The following UCK2 variants were observed in gnomAD, a reference collection of about 807,000 sequenced individuals.
UCK2 encodes uridine-cytidine kinase 2, also known as cytidine monophosphokinase 2.
A neutral mutation model predicts 30.8 loss-of-function variants in UCK2; 6 were observed. That is an observed-to-expected ratio of 0.19 (90% CI 0.11 to 0.38). UCK2 has a LOEUF of 0.38. Among genes scored for constraint, UCK2 ranks in the 10% least tolerant of loss-of-function variants. UCK2 has a pLI of 1.00. For synonymous variants in UCK2, 125 were observed against 133.6 expected (o/e 0.94, Z 0.45); for missense variants, 210 against 339.8 (o/e 0.62, Z 3.00).
intron 2 of UCK2, 71 bp from the exon 3 acceptor site, chr1:165,891,155 T>C: frequency 1.5e-6 from 2 of 1,319,604 alleles, no homozygotes. Context: ...TTTATGAGGA[T>C]GCCTTGTGTA....
At chr1:165,906,075 C>T in intron 6 of UCK2, 106 bp downstream of exon 6, 2 of 1,074,374 alleles carry the variant, frequency 1.9e-6, no homozygotes, top group Non-Finnish European at 2.8e-6. Flanking sequence ...ACATGGCTGC[C>T]CTGCTTGTCT....
chr1:165,902,657 A>G (rs1209475912), intron 4 of UCK2: 2 of 126,312 alleles, frequency 1.6e-5, no homozygotes, highest in East Asian at 2.6e-4. Flanking sequence ...GAAATGGTTA[A>G]CCATGGCTGG....
intron 1 of UCK2, among the ~76,000 whole-genome samples, chr1:165,840,947 C>T (rs929473477): frequency 6.6e-6 from 1 of 152,076 alleles, no homozygotes; most frequent in Non-Finnish European, 1.5e-5. Flanking sequence ...ATAGATTATT[C>T]CCAGCACCAC....
chr1:165,895,457 A>G (rs1380781339), intron 3 of UCK2: 2 of 984,306 alleles, frequency 2.0e-6, no homozygotes, highest in African/African-American at 3.5e-5. Context: ...GTTTACAATT[A>G]GTGCCTGCCC....
chr1:165,886,681 C>G (rs1655622956), intron 1 of UCK2, among the ~76,000 whole-genome samples: 1 of 152,134 alleles, frequency 6.6e-6, no homozygotes. Flanking sequence ...AAGGAGAACA[C>G]AGAGATGATA....
chr1:165,855,519 T>C (rs1654723177), intron 1 of UCK2, among the ~76,000 whole-genome samples: 6 of 151,382 alleles, frequency 4.0e-5, no homozygotes, highest in Admixed American at 3.9e-4. Flanking sequence ...TCTTTTTTTT[T>C]TTTTTTTTTC....
intron 1 of UCK2, among the ~76,000 whole-genome samples, chr1:165,844,274 G>A (rs1305804168): frequency 2.0e-5 from 3 of 152,212 alleles, no homozygotes; most frequent in Admixed American, 6.5e-5. Context: ...CCTCCTCGTA[G>A]TTGACATTCA....
chr1:165,860,311 TC>T (rs1246275203), intron 1 of UCK2, among the ~76,000 whole-genome samples: 1 of 152,230 alleles, frequency 6.6e-6, no homozygotes, highest in African/African-American at 2.4e-5. Flanking sequence ...GCTGCCCTCT[TC>T]CTGTTGAAGC....
intron 3 of UCK2, chr1:165,895,816 G>A (rs1655883170): frequency 4.1e-6 from 1 of 242,760 alleles, no homozygotes; most frequent in South Asian, 1.3e-4. Flanking sequence ...ATAAATGCCA[G>A]GCCATGAGAG....
intron 5 of UCK2, among the ~76,000 whole-genome samples, chr1:165,905,010 A>G (rs1647603241): frequency 6.6e-6 from 1 of 152,262 alleles, no homozygotes; most frequent in African/African-American, 2.4e-5. Flanking sequence ...ACCCTGTGCT[A>G]GGAGTGAACA....
chr1:165,876,556 G>A (rs938335131), intron 1 of UCK2, among the ~76,000 whole-genome samples: 3 of 152,272 alleles, frequency 2.0e-5, no homozygotes, highest in Admixed American at 1.3e-4. Context: ...AACAATGTAT[G>A]TACAGGAGTG....
chr1:165,847,470 C>G (rs1171239279), intron 1 of UCK2, among the ~76,000 whole-genome samples: 4 of 152,138 alleles, frequency 2.6e-5, no homozygotes, highest in Non-Finnish European at 4.4e-5. Flanking sequence ...AAGAAACAAC[C>G]ACTTTTAAAT....
At chr1:165,867,857 T>C (rs1386421691) in intron 1 of UCK2, among the ~76,000 whole-genome samples, 1 of 152,228 alleles carries the variant, frequency 6.6e-6, no homozygotes, top group Non-Finnish European at 1.5e-5. Flanking sequence ...GAATCACAAA[T>C]GTTGTTAATG....
chr1:165,828,688 G>T (rs1471554534), intron 1 of UCK2, among the ~76,000 whole-genome samples: 4 of 152,174 alleles, frequency 2.6e-5, no homozygotes, highest in Non-Finnish European at 1.5e-5. Context: ...TCATCGTATG[G>T]GTGTCTGACC....
In UCK2 at chr1:165,891,293, C is replaced by T. The variant is rs538874834; in HGVS notation, c.327C>T (p.Ile109=). Residue 109 remains isoleucine, a synonymous_variant, in exon 3 of 7, where the codon ATC becomes ATT. Coordinates refer to ENST00000367879, the MANE Select transcript of UCK2 (RefSeq NM_012474.5). ...KEITEGKTVQ[I]PVYDFVSHSR... ...TCACTGAAGGGAAAACAGTCCAGATCCCCGTGTATGACTTTGTCTCCCATT... is the reference window on the plus strand; with the variant it reads ...TCACTGAAGGGAAAACAGTCCAGATTCCCGTGTATGACTTTGTCTCCCATT... 3.1e-6 allele frequency: 5 copies of T among 1,614,246 alleles called. No individual in the cohort carries two copies. The South Asian group carries it at 5.5e-5, about 18-fold the overall frequency.
chr1:165,897,782 T>TA (rs1647322230), intron 4 of UCK2, among the ~76,000 whole-genome samples: 1 of 152,160 alleles, frequency 6.6e-6, no homozygotes, highest in African/African-American at 2.4e-5. Flanking sequence ...AATAGATACA[T>TA]ATGCTATTAA....
chr1:165,883,168 G>T (rs1376025906), intron 1 of UCK2, among the ~76,000 whole-genome samples: 1 of 152,122 alleles, frequency 6.6e-6, no homozygotes, highest in Non-Finnish European at 1.5e-5. Flanking sequence ...TTATTTAGCT[G>T]CTCTCCCATC....
rs143385755 is a variant in UCK2, at chr1:165,872,203, T to A, written c.100-18001T>A. On this transcript the variant is annotated intron_variant, in intron 1 of 6. Transcript: ENST00000367879. ...GATTCTCCTGCCTCAGCCTCCGAAGTAGCTGGGATCATAGGTGTGTGCCAC... is the reference window on the plus strand; with the variant it reads ...GATTCTCCTGCCTCAGCCTCCGAAGAAGCTGGGATCATAGGTGTGTGCCAC... 2.6e-5 allele frequency among the ~76,000 whole-genome samples: 4 copies of A among 152,302 alleles called. 1 individual carries two copies. Among genetic ancestry groups the A allele is most frequent in the South Asian group, 4.2e-4 (2 of 4,816 alleles).
At chr1:165,882,040 T>A (rs559269316) in intron 1 of UCK2, among the ~76,000 whole-genome samples, 12 of 152,330 alleles carry the variant, frequency 7.9e-5, no homozygotes, top group African/African-American at 1.9e-4. Context: ...CATCTTCTAC[T>A]GTTAATAGCC....
Sources: allele counts gnomAD v4.1 joint callset (sites outside exome capture counted in the v4.1 genomes callset), GRCh38; gene constraint gnomAD v4.1.1; transcripts MANE v1.5; gene names NCBI Gene and HGNC (gene_info 2026-07-23, HGNC 2026-07-21).